SLC44A5: variants seen among roughly 807,000 people sequenced by gnomAD.
The protein encoded by SLC44A5 is choline transporter-like protein 5.
A neutral mutation model predicts 101.8 loss-of-function variants in SLC44A5; 57 were observed. That is an observed-to-expected ratio of 0.56 (90% CI 0.45 to 0.70). The LOEUF (loss-of-function observed/expected upper bound fraction) is 0.70. Ranked by LOEUF, SLC44A5 falls within the 30% of genes least tolerant of loss-of-function variation. SLC44A5 has a pLI of 0.00. For synonymous variants in SLC44A5, 281 were observed against 290.9 expected (o/e 0.97, Z 0.35); for missense variants, 737 against 853.1 (o/e 0.86, Z 1.70).
In SLC44A5 at chr1:75,211,446, AAC is replaced by A. The variant is rs1646850935; in HGVS notation, c.2047+20_2047+21del. 2 of 1,590,140 alleles carry A rather than the reference AAC, an allele frequency of 1.3e-6. No individual in the cohort carries two copies. The highest frequency in any genetic ancestry group is 1.3e-5 in the African/African-American group (1 of 74,464). On this transcript the variant is annotated intron_variant, in intron 23 of 23. Coordinates refer to ENST00000370859, the MANE Select transcript of SLC44A5 (RefSeq NM_001130058.2). The stretch of plus-strand genomic sequence containing the variant: ...TTTCAGTTATCCACCGAAGGGGGAA[AAC>A]ACACATACTGAATACTCACAGAAGC...
chr1:75,655,013 C>T, the SLC44A5 span, among the ~76,000 whole-genome samples: 6 of 152,144 alleles, frequency 3.9e-5, no homozygotes, highest in African/African-American at 7.2e-5. Flanking sequence ...AATTTGGGTT[C>T]GTCATCTGGC....
At chr1:75,362,393 A>ATATAGGC (rs1659552974) in intron 3 of SLC44A5, among the ~76,000 whole-genome samples, 1 of 151,172 alleles carries the variant, frequency 6.6e-6, no homozygotes. Context: ...TGTTTATTTG[A>ATATAGGC]ACTCTCTTCT....
chr1:75,692,046 C>T, the SLC44A5 span, among the ~76,000 whole-genome samples: 9 of 152,060 alleles, frequency 5.9e-5, no homozygotes, highest in Admixed American at 5.9e-4. Flanking sequence ...ATTAAGTGTG[C>T]AACTACAGTG....
chr1:75,247,996 T>C (rs897329061), intron 7 of SLC44A5, among the ~76,000 whole-genome samples: 15 of 151,840 alleles, frequency 9.9e-5, no homozygotes, highest in African/African-American at 3.4e-4. Flanking sequence ...TTTTTTAAGA[T>C]TAAAGAAATA....
At chr1:75,524,064 A>G (rs1379529976) in intron 2 of SLC44A5, among the ~76,000 whole-genome samples, 1 of 152,204 alleles carries the variant, frequency 6.6e-6, no homozygotes, top group Non-Finnish European at 1.5e-5. Flanking sequence ...TCTCAGGTTG[A>G]ATTATAATCT....
the SLC44A5 span, among the ~76,000 whole-genome samples, chr1:75,696,718 A>T: frequency 2.0e-5 from 3 of 150,672 alleles, no homozygotes; most frequent in South Asian, 6.5e-4. Flanking sequence ...ACATGGTGAA[A>T]CCCCGTCTCT....
intron 9 of SLC44A5, 90 bp from the exon 10 acceptor site, chr1:75,238,726 T>G (rs548236207): frequency 1.2e-6 from 1 of 859,046 alleles, no homozygotes; most frequent in African/African-American, 1.8e-5. Flanking sequence ...TTATATATAA[T>G]CAAATTCTTG....
intron 2 of SLC44A5, among the ~76,000 whole-genome samples, chr1:75,504,459 G>A (rs1359336166): frequency 6.6e-6 from 1 of 151,338 alleles, no homozygotes; most frequent in Non-Finnish European, 1.5e-5. Context: ...TTGTATGTAT[G>A]TCAATAAAAA....
the SLC44A5 span, among the ~76,000 whole-genome samples, chr1:75,652,164 C>T: frequency 6.6e-6 from 1 of 152,150 alleles, no homozygotes; most frequent in Admixed American, 6.5e-5. Flanking sequence ...GCAGCCCCTC[C>T]CAAGTGCTGG....
rs199560766 is a variant in SLC44A5, at chr1:75,221,957, C to CT, written c.1085+403dup. Among the ~76,000 whole-genome samples the CT allele has an allele frequency of 1.2e-3, 150 of 126,854 alleles. 4 individuals carry two copies. Among genetic ancestry groups the CT allele is most frequent in the East Asian group, 4.7e-3 (23 of 4,922 alleles). The allele number at this position is 126,854 out of a possible 152,430, so 83.2% of individuals were successfully genotyped here. On this transcript the variant is annotated intron_variant, in intron 14 of 23. Coordinates refer to ENST00000370859, the MANE Select transcript of SLC44A5 (RefSeq NM_001130058.2). The stretch of plus-strand genomic sequence containing the variant: ...GATGCTTTCTTTTAAAAGTCTTCTT[C>CT]TTCTTTTTTTTTTTTTTTTGAGACA...
At chr1:75,622,752 G>T in the SLC44A5 span, among the ~76,000 whole-genome samples, 7 of 152,014 alleles carry the variant, frequency 4.6e-5, no homozygotes, top group South Asian at 2.1e-4. Flanking sequence ...TACTCCAGTT[G>T]GCCTGCTCAA....
At chr1:75,345,287 T>C (rs1355899409) in intron 3 of SLC44A5, among the ~76,000 whole-genome samples, 2 of 150,590 alleles carry the variant, frequency 1.3e-5, no homozygotes, top group African/African-American at 5.0e-5. Flanking sequence ...TATTGGTGAA[T>C]AAAAACTGGG....
At chr1:75,360,568 T>C (rs1296275966) in intron 3 of SLC44A5, among the ~76,000 whole-genome samples, 1 of 152,210 alleles carries the variant, frequency 6.6e-6, no homozygotes, top group Non-Finnish European at 1.5e-5. Flanking sequence ...GAAACTATCT[T>C]TTTTTCCCAT....
intron 1 of SLC44A5, among the ~76,000 whole-genome samples, chr1:75,597,085 G>A (rs907198256): frequency 3.9e-5 from 6 of 151,902 alleles, no homozygotes; most frequent in Non-Finnish European, 8.8e-5. Context: ...CTACTTGGGA[G>A]GCTGAAGTGG....
At chr1:75,275,309 A>G (rs1342948039) in intron 5 of SLC44A5, among the ~76,000 whole-genome samples, 1 of 152,204 alleles carries the variant, frequency 6.6e-6, no homozygotes, top group Admixed American at 6.5e-5. Context: ...AATGACATTT[A>G]TTAAAATGTG....
At chr1:75,403,806 A>C (rs990847022) in intron 2 of SLC44A5, among the ~76,000 whole-genome samples, 6 of 152,130 alleles carry the variant, frequency 3.9e-5, no homozygotes, top group African/African-American at 1.4e-4. Context: ...ACAGGATCAC[A>C]ACTCCTCACC....
chr1:75,240,426 T>G (rs1361183510), intron 9 of SLC44A5, among the ~76,000 whole-genome samples: 1 of 152,132 alleles, frequency 6.6e-6, no homozygotes, highest in Admixed American at 6.6e-5. Flanking sequence ...GCCTTATTCA[T>G]TTTTGTATCC....
intron 6 of SLC44A5, among the ~76,000 whole-genome samples, chr1:75,264,129 A>T (rs1366265334): frequency 4.4e-3 from 26 of 5,890 alleles, no homozygotes; most frequent in East Asian, 0.071. Flanking sequence ...TAAAGTATTT[A>T]AAAAAAAAAA....
the SLC44A5 span, among the ~76,000 whole-genome samples, chr1:75,714,580 C>T: frequency 6.6e-6 from 1 of 152,214 alleles, no homozygotes; most frequent in South Asian, 2.1e-4. Context: ...TGTTTGCAGA[C>T]AATGTAATTC....
Sources: allele counts gnomAD v4.1 joint callset (sites outside exome capture counted in the v4.1 genomes callset), GRCh38; gene constraint gnomAD v4.1.1; transcripts MANE v1.5; gene names NCBI Gene and HGNC (gene_info 2026-07-23, HGNC 2026-07-21).